NRG3: variants seen among roughly 807,000 people sequenced by gnomAD.
NRG3 encodes the protein pro-neuregulin-3, membrane-bound isoform.
NRG3 carries 31 observed loss-of-function variants against 66.9 expected under a neutral mutation model. The observed-to-expected ratio is 0.46, with a 90% confidence interval of 0.35 to 0.63. The LOEUF is 0.63. Ranked by LOEUF, NRG3 falls within the 20% of genes least tolerant of loss-of-function variation. The pLI, the probability that NRG3 is intolerant of heterozygous loss-of-function variation, is 0.00. For missense variants in NRG3, 910 were observed against 878.9 expected (o/e 1.04, Z -0.45); for synonymous variants, 393 against 359.4 (o/e 1.09, Z -1.06).
chr10:82,966,822 G>A (rs1851249744), intron 6 of NRG3, among the ~76,000 whole-genome samples: 2 of 152,092 alleles, frequency 1.3e-5, no homozygotes, highest in South Asian at 2.1e-4. Context: ...TAAATACTAT[G>A]TTACGTTCTC....
At position 82,691,877 on chromosome 10, in the gene NRG3, T is replaced by A. The variant is rs76240281; in HGVS notation, c.954-46700T>A. Among the ~76,000 whole-genome samples the A allele has an allele frequency of 5.9e-5, 9 of 152,302 alleles. No individual in the cohort carries two copies. The East Asian group carries it at 1.7e-3, about 29-fold the overall frequency. Reference sequence around the variant, plus strand: ...AGCAGAGGTTCCAATCCAGGGCATGTTAGTGCACACGGGCTCTTCCCTAGT... The same window carrying A: ...AGCAGAGGTTCCAATCCAGGGCATGATAGTGCACACGGGCTCTTCCCTAGT... On this transcript the variant is annotated intron_variant, in intron 2 of 8. Coordinates refer to ENST00000372141, the MANE Select transcript of NRG3 (RefSeq NM_001010848.4).
rs145879864 is a variant in NRG3 at position 82,065,421 on chromosome 10, C to T, written c.823+189258C>T. ...ATTGTATATCATTGTAGCAAACATT[C>T]GTAGAATGAGAGTACATATAGTGAA... is the stretch of plus-strand genomic sequence containing the variant. On this transcript the variant is annotated intron_variant, in intron 1 of 8. Transcript: ENST00000372141. Among the ~76,000 whole-genome samples, 53 of 152,158 alleles carry T rather than the reference C, an allele frequency of 3.5e-4. No individual in the cohort carries two copies. In the East Asian group the frequency reaches 9.8e-3, roughly 28 times the overall value.
intron 1 of NRG3, among the ~76,000 whole-genome samples, chr10:82,355,203 T>C (rs908501628): frequency 1.3e-5 from 2 of 152,220 alleles, no homozygotes; most frequent in African/African-American, 2.4e-5. Flanking sequence ...ACACCAAGGT[T>C]GTTTAGGATC....
At chr10:82,664,197 C>T (rs2052583647) in intron 2 of NRG3, among the ~76,000 whole-genome samples, 1 of 152,146 alleles carries the variant, frequency 6.6e-6, no homozygotes, top group Non-Finnish European at 1.5e-5. Flanking sequence ...CTGATTCAAA[C>T]TTGGAGCTAA....
chr10:82,923,070 T>TC (rs35742877), intron 4 of NRG3, among the ~76,000 whole-genome samples: 15 of 152,144 alleles, frequency 9.9e-5, no homozygotes, highest in African/African-American at 3.4e-4. Context: ...CCAAAGGTCA[T>TC]CCCCTTCCAA....
At chr10:82,281,817 G>A (rs1464044506) in intron 1 of NRG3, among the ~76,000 whole-genome samples, 1 of 151,924 alleles carries the variant, frequency 6.6e-6, no homozygotes, top group African/African-American at 2.4e-5. Context: ...CCCATGTCAG[G>A]TTTTGTTTGT....
At chr10:82,535,018 G>A (rs73309865) in intron 2 of NRG3, among the ~76,000 whole-genome samples, 4,472 of 151,092 alleles carry the variant, frequency 0.03, 116 homozygotes, top group Middle Eastern at 0.075. Flanking sequence ...CACCAGGCAT[G>A]GTGGTGCGCC....
At chr10:82,337,086 C>A (rs1328821592) in intron 1 of NRG3, among the ~76,000 whole-genome samples, 1 of 151,950 alleles carries the variant, frequency 6.6e-6, no homozygotes, top group Non-Finnish European at 1.5e-5. Flanking sequence ...CATATTTGTC[C>A]CCTTTTACTT....
intron 2 of NRG3, among the ~76,000 whole-genome samples, chr10:82,426,702 T>C (rs1294141119): frequency 6.6e-6 from 1 of 151,052 alleles, no homozygotes; most frequent in Non-Finnish European, 1.5e-5. Context: ...GATGTGATCT[T>C]GGCCCACTGC....
rs12246042 is a variant in NRG3, at chr10:82,299,801, A to G, written c.824-58938A>G. ...CAAAACCACCAACGAGAAGCACTCA[A>G]TGAGAGACAAGGGAATTCCCCAATT... On this transcript the variant is annotated intron_variant, in intron 1 of 8. Transcript: ENST00000372141. Among the ~76,000 whole-genome samples the G allele has an allele frequency of 3.0e-3, 463 of 152,306 alleles. 3 individuals are homozygous for G. The highest frequency in any genetic ancestry group is 0.011 in the African/African-American group (450 of 41,572).
intron 1 of NRG3, among the ~76,000 whole-genome samples, chr10:82,299,937 C>T (rs1476021029): frequency 6.6e-6 from 1 of 152,138 alleles, no homozygotes; most frequent in Non-Finnish European, 1.5e-5. Context: ...AGACATTTAA[C>T]TACTGGCTCG....
intron 1 of NRG3, among the ~76,000 whole-genome samples, chr10:81,890,798 A>T (rs1184456347): frequency 1.3e-5 from 2 of 152,188 alleles, no homozygotes; most frequent in Non-Finnish European, 2.9e-5. Flanking sequence ...TGAACTCTTT[A>T]TAATGACAGG....
At chr10:82,501,291 T>G (rs1443803386) in intron 2 of NRG3, among the ~76,000 whole-genome samples, 5 of 152,192 alleles carry the variant, frequency 3.3e-5, no homozygotes, top group African/African-American at 1.2e-4. Context: ...CCTCCTACTA[T>G]GACCCTAGTG....
intron 1 of NRG3, among the ~76,000 whole-genome samples, chr10:81,970,435 A>G (rs2059891858): frequency 1.3e-5 from 2 of 152,304 alleles, no homozygotes; most frequent in South Asian, 2.1e-4. Context: ...CTTTTTCTTA[A>G]CTTTAGCAGT....
At chr10:81,943,710 ATTG>A (rs1467706323) in intron 1 of NRG3, among the ~76,000 whole-genome samples, 2 of 152,228 alleles carry the variant, frequency 1.3e-5, no homozygotes, top group African/African-American at 4.8e-5. Flanking sequence ...ATTTCAGGCC[ATTG>A]TTGTTTGCTG....
chr10:82,036,220 T>G (rs2132946457), intron 1 of NRG3, among the ~76,000 whole-genome samples: 1 of 152,210 alleles, frequency 6.6e-6, no homozygotes, highest in East Asian at 1.9e-4. Context: ...AAGGGTCGAC[T>G]TATATTTTAG....
rs897665036 is a variant in NRG3 at position 82,019,809 on chromosome 10, C to G, written c.823+143646C>G. Among the ~76,000 whole-genome samples, 8 of 152,056 alleles carry G rather than the reference C, an allele frequency of 5.3e-5. No individual in the cohort carries two copies. The South Asian group carries it at 1.0e-3, about 20-fold the overall frequency. On this transcript the variant is annotated intron_variant, in intron 1 of 8. Transcript: ENST00000372141. ...TCTCCTTTATCATTTTTTATTGTGT[C>G]TATTTGATTCTTCTCTCTTTTTTTC...
At chr10:82,153,328 A>T (rs989381700) in intron 1 of NRG3, among the ~76,000 whole-genome samples, 2 of 151,802 alleles carry the variant, frequency 1.3e-5, no homozygotes, top group African/African-American at 4.8e-5. Context: ...AGTTTATTTT[A>T]CTTAACATAA....
At chr10:82,801,810 A>G (rs2061052144) in intron 3 of NRG3, among the ~76,000 whole-genome samples, 1 of 152,128 alleles carries the variant, frequency 6.6e-6, no homozygotes, top group African/African-American at 2.4e-5. Flanking sequence ...TTCTCCTTGT[A>G]ATGTCTGTGT....
Sources: gnomAD v4.1 joint callset for allele counts (sites outside exome capture counted in the v4.1 genomes callset) on GRCh38, gnomAD v4.1.1 for gene constraint, MANE v1.5 for transcripts, NCBI Gene and HGNC (gene_info 2026-07-23, HGNC 2026-07-21) for gene names.